TEAD4: variants seen among roughly 807,000 people sequenced by gnomAD.
TEAD4 encodes transcriptional enhancer factor TEF-3.
TEAD4 carries 36 observed loss-of-function variants against 52.4 expected under a neutral mutation model. The observed-to-expected ratio is 0.69, with a 90% confidence interval of 0.53 to 0.91. The LOEUF (loss-of-function observed/expected upper bound fraction) is 0.91, where lower values mean the gene tolerates loss of function less well. TEAD4 is among the 40% of genes least tolerant of loss of function. The pLI is 0.00. For missense variants in TEAD4, 508 were observed against 583.9 expected (o/e 0.87, Z 1.34); for synonymous variants, 220 against 231.0 (o/e 0.95, Z 0.43).
At chr12:3,027,175 A>G (rs757028209) in intron 10 of TEAD4, among the ~76,000 whole-genome samples, 1 of 152,066 alleles carries the variant, frequency 6.6e-6, no homozygotes, top group Non-Finnish European at 1.5e-5. Context: ...TATTTTTAGT[A>G]GAGAGAGGGG....
intron 5 of TEAD4, among the ~76,000 whole-genome samples, chr12:3,014,428 A>C (rs2098262732): frequency 6.6e-6 from 1 of 152,206 alleles, no homozygotes; most frequent in South Asian, 2.1e-4. Context: ...AAACTCCTTA[A>C]AATATGCAAA....
At chr12:3,016,977 C>T (rs1380449675) in intron 5 of TEAD4, 2 of 417,650 alleles carry the variant, frequency 4.8e-6, no homozygotes, top group Non-Finnish European at 9.7e-6. Flanking sequence ...GGTCTCTTGC[C>T]TCCAGACAGC....
intron 5 of TEAD4, among the ~76,000 whole-genome samples, chr12:3,016,295 TGGGATTACA>T (rs1476123610): frequency 1.3e-5 from 2 of 152,168 alleles, no homozygotes; most frequent in African/African-American, 4.8e-5. Context: ...CTCCAGGAGC[TGGGATTACA>T]GGCATGAACC....
chr12:3,010,174 C>A (rs2098259147), intron 3 of TEAD4, among the ~76,000 whole-genome samples: 1 of 152,238 alleles, frequency 6.6e-6, no homozygotes, highest in South Asian at 2.1e-4. Flanking sequence ...CGAACTGGCC[C>A]CCGGTCCTCT....
chr12:3,011,077 CAA>C lies in TEAD4; in HGVS notation c.291+10_291+11del, dbSNP rs2098259929. On this transcript the variant is annotated intron_variant, in intron 4 of 12. Transcript: ENST00000359864. ...CCCGCACCAGGAAGCAGGTGGGCCT[CAA>C]GAGACGGGTAGGGGTCCCGGGGGTG... 1.9e-6 allele frequency: 3 copies of C among 1,614,122 alleles called. No homozygotes were observed. The highest frequency in any genetic ancestry group is 2.2e-5 in the South Asian group (2 of 91,080).
In TEAD4 at chr12:2,959,738, C is replaced by G. The variant is rs1302994183; in HGVS notation, c.-122-210C>G. ...CTCCCCTCCTCGCTCCCGGTTGACTCACTCCTCCAGGAATAGGGATCCCCG... is the reference window on the plus strand; with the variant it reads ...CTCCCCTCCTCGCTCCCGGTTGACTGACTCCTCCAGGAATAGGGATCCCCG... On this transcript the variant is annotated intron_variant, in intron 1 of 12. Coordinates refer to ENST00000359864, the MANE Select transcript of TEAD4 (RefSeq NM_003213.4). This position sits in a 1 kb window ranked among gnomAD's most constrained non-coding sequence, Gnocchi z 5.1. 1 of 151,332 alleles carries G rather than the reference C, an allele frequency of 6.6e-6. No homozygotes were observed. Among genetic ancestry groups the G allele is most frequent in the Non-Finnish European group, 1.5e-5 (1 of 67,906 alleles). 9.4% of individuals were successfully genotyped at this position (151,332 alleles called of 1,614,324 possible).
intron 11 of TEAD4, among the ~76,000 whole-genome samples, chr12:3,038,401 C>T (rs1352433903): frequency 6.6e-6 from 1 of 152,200 alleles, no homozygotes; most frequent in African/African-American, 2.4e-5. Flanking sequence ...CCCTGGGCAT[C>T]TACCTAGTCC....
intron 2 of TEAD4, chr12:2,960,427 C>A: frequency 2.2e-6 from 2 of 930,188 alleles, no homozygotes; most frequent in African/African-American, 1.8e-5. Flanking sequence ...TCCTACACCT[C>A]AGGGCTTGGG....
At chr12:2,960,856 T>A (rs2153951758) in intron 2 of TEAD4, among the ~76,000 whole-genome samples, 1 of 152,294 alleles carries the variant, frequency 6.6e-6, no homozygotes, top group Non-Finnish European at 1.5e-5. Flanking sequence ...TCAGTGTCTC[T>A]GGTTGCCTGA....
At chr12:3,025,249 G>GTTAT (rs889859973) in intron 10 of TEAD4, among the ~76,000 whole-genome samples, 1 of 152,148 alleles carries the variant, frequency 6.6e-6, no homozygotes, top group Non-Finnish European at 1.5e-5. Flanking sequence ...GCCTGAGCAT[G>GTTAT]TTATTCTCTA....
chr12:3,017,026 A>G, intron 5 of TEAD4: 1 of 459,340 alleles, frequency 2.2e-6, no homozygotes, highest in South Asian at 1.6e-5. Context: ...GCACTCGAGG[A>G]GGGATCCAGC....
At chr12:2,968,524 A>G (rs751686856) in intron 2 of TEAD4, among the ~76,000 whole-genome samples, 5 of 148,498 alleles carry the variant, frequency 3.4e-5, no homozygotes, top group Admixed American at 6.9e-5. Context: ...CAGCTTTCTC[A>G]GCTACTCAGG....
intron 2 of TEAD4, among the ~76,000 whole-genome samples, chr12:2,966,485 A>T (rs1205486747): frequency 6.7e-6 from 1 of 149,664 alleles, no homozygotes. Flanking sequence ...ATCTTGGCTC[A>T]CTGCAACCTC....
intron 10 of TEAD4, among the ~76,000 whole-genome samples, chr12:3,035,092 T>G (rs867949839): frequency 1.1e-4 from 15 of 142,446 alleles, no homozygotes; most frequent in Middle Eastern, 3.6e-3. Context: ...CAGAGCGAGA[T>G]TCCGTCTCAA....
intron 11 of TEAD4, 46 bp downstream of exon 11, chr12:3,038,154 G>A (rs761644874): frequency 1.3e-6 from 2 of 1,583,444 alleles, no homozygotes; most frequent in South Asian, 1.1e-5. Flanking sequence ...AGTGGTCTGT[G>A]TTTGCTGGGC....
In TEAD4 at chr12:2,994,715, G is replaced by A. The variant is rs780328807; in HGVS notation, c.-29-23G>A. 7 of 1,541,482 alleles carry A rather than the reference G, an allele frequency of 4.5e-6. No individual in the cohort carries two copies. Among genetic ancestry groups the A allele is most frequent in the Non-Finnish European group, 6.1e-6 (7 of 1,145,292 alleles). ...ACGCAGTTCTTCCACTGCTCACCGGGGCTGTGGTTCCTGTCCCCACAGGTC... is the reference window on the plus strand; with the variant it reads ...ACGCAGTTCTTCCACTGCTCACCGGAGCTGTGGTTCCTGTCCCCACAGGTC... On this transcript the variant is annotated intron_variant, in intron 2 of 12. Coordinates refer to ENST00000359864, the MANE Select transcript of TEAD4 (RefSeq NM_003213.4). The surrounding 1 kb of genome is among the most constrained non-coding windows in gnomAD (Gnocchi z 4.7).
chr12:2,978,357 C>T lies in TEAD4; in HGVS notation c.-29-16381C>T, dbSNP rs552951483. Among the ~76,000 whole-genome samples the T allele has an allele frequency of 4.6e-5, 7 of 151,384 alleles. No individual in the cohort carries two copies. The East Asian group carries it at 7.8e-4, about 17-fold the overall frequency. On this transcript the variant is annotated intron_variant, in intron 2 of 12. Coordinates refer to ENST00000359864, the MANE Select transcript of TEAD4 (RefSeq NM_003213.4). ...TCTTCCGAAACTGAAACGCTGTACC[C>T]GTTAAACAGTAAGTGCCTGTTTTTT...
chr12:3,001,442 C>T (rs2098251618), intron 3 of TEAD4, among the ~76,000 whole-genome samples: 1 of 152,174 alleles, frequency 6.6e-6, no homozygotes, highest in African/African-American at 2.4e-5. Context: ...GTTCTATTTT[C>T]TGTCTCTATG....
At chr12:2,960,432 C>A in intron 2 of TEAD4, 1 of 894,112 alleles carries the variant, frequency 1.1e-6, no homozygotes, top group Non-Finnish European at 1.3e-6. Flanking sequence ...CACCTCAGGG[C>A]TTGGGAAGCT....
Sources: gnomAD v4.1 joint callset for allele counts (sites outside exome capture counted in the v4.1 genomes callset) on GRCh38, gnomAD v4.1.1 for gene constraint, Gnocchi (gnomAD v3.1) non-coding constraint, MANE v1.5 for transcripts, NCBI Gene and HGNC (gene_info 2026-07-23, HGNC 2026-07-21) for gene names.